Variants in MALRD1 observed in about 807,000 individuals in gnomAD.
The protein encoded by MALRD1 is MAM and LDL receptor class A domain containing 1.
A neutral mutation model predicts 242.1 loss-of-function variants in MALRD1; 247 were observed. That is an observed-to-expected ratio of 1.02 (90% CI 0.92 to 1.13). The LOEUF is 1.13. Among genes scored for constraint, MALRD1 ranks in the 50% most tolerant of loss-of-function variants. MALRD1 has a pLI of 0.00. For missense variants in MALRD1, 2,989 were observed against 2,533.1 expected (o/e 1.18, Z -3.86); for synonymous variants, 995 against 866.6 (o/e 1.15, Z -2.60).
At position 19,692,491 on chromosome 10, in the gene MALRD1, T is replaced by C. The variant is rs773172420; in HGVS notation, c.6251T>C (p.Phe2084Ser). Reference sequence around the variant, plus strand: ...ACTCTCCTGGGTATTGGATTAGCATTCCTGATGACTCACATCACAGTTGCA... The same window carrying C: ...ACTCTCCTGGGTATTGGATTAGCATCCCTGATGACTCACATCACAGTTGCA... ...TWTLLGIGLA[F>S]LMTHITVAVL... The change falls in exon 38 of 40, where the codon TTC (phenylalanine) becomes TCC (serine). Residue 2084 changes from phenylalanine to serine, a missense_variant. Transcript: ENST00000454679. 66 of 1,535,854 alleles carry C rather than the reference T, an allele frequency of 4.3e-5. No homozygotes were observed. Among genetic ancestry groups the C allele is most frequent in the Non-Finnish European group, 5.5e-5 (63 of 1,146,604 alleles).
At chr10:19,590,018 C>A (rs1049404864) in intron 33 of MALRD1, among the ~76,000 whole-genome samples, 1 of 152,106 alleles carries the variant, frequency 6.6e-6, no homozygotes, top group African/African-American at 2.4e-5. Flanking sequence ...CCTTACACCT[C>A]AATGCCATTG....
chr10:19,384,313 AAT>A, intron 26 of MALRD1, among the ~76,000 whole-genome samples: 1 of 131,734 alleles, frequency 7.6e-6, no homozygotes, highest in Non-Finnish European at 1.6e-5. Flanking sequence ...GTATTATATA[AAT>A]ATATATTATA....
intron 14 of MALRD1, among the ~76,000 whole-genome samples, chr10:19,197,958 A>T (rs958760060): frequency 6.6e-6 from 1 of 152,334 alleles, no homozygotes; most frequent in South Asian, 2.1e-4. Flanking sequence ...ATAATGAATG[A>T]ATGAGCACAT....
At chr10:19,493,127 A>G (rs1192873851) in intron 30 of MALRD1, 1 of 152,152 alleles carries the variant, frequency 6.6e-6, no homozygotes, top group Admixed American at 6.5e-5. Flanking sequence ...TCCAAGAAAA[A>G]CAAAACCGTA....
chr10:19,489,738 A>G (rs1837399967), intron 29 of MALRD1, among the ~76,000 whole-genome samples: 1 of 152,186 alleles, frequency 6.6e-6, no homozygotes, highest in African/African-American at 2.4e-5. Flanking sequence ...ATTCAATGGC[A>G]ATATGGAGTC....
At chr10:19,551,739 A>G (rs1327402587) in intron 32 of MALRD1, among the ~76,000 whole-genome samples, 1 of 152,034 alleles carries the variant, frequency 6.6e-6, no homozygotes, top group Admixed American at 6.6e-5. Flanking sequence ...TTTGTCTTGT[A>G]TGGCTCTTAT....
At chr10:19,513,408 A>C (rs1022219310) in intron 31 of MALRD1, among the ~76,000 whole-genome samples, 1 of 151,062 alleles carries the variant, frequency 6.6e-6, no homozygotes, top group African/African-American at 2.4e-5. Flanking sequence ...TTGCAGAACC[A>C]TGAGCCAAAT....
intron 12 of MALRD1, among the ~76,000 whole-genome samples, chr10:19,164,918 A>G (rs1834608240): frequency 6.6e-6 from 1 of 152,114 alleles, no homozygotes; most frequent in African/African-American, 2.4e-5. Context: ...TCAATTATTG[A>G]TGAACAGTAT....
In MALRD1 at chr10:19,715,839, C is replaced by G. The variant is rs142923569; in HGVS notation, c.6315-14867C>G. On this transcript the variant is annotated intron_variant, in intron 38 of 39. Coordinates refer to ENST00000454679, the MANE Select transcript of MALRD1 (RefSeq NM_001142308.3). The stretch of plus-strand genomic sequence containing the variant: ...AGAGAGAGGGAGGAGGTGCCATGCT[C>G]TTGTAAACAACTAGACCTCTCATGG... Among the ~76,000 whole-genome samples, 195 of 152,286 alleles carry G rather than the reference C, an allele frequency of 1.3e-3. 1 individual carries two copies. Among genetic ancestry groups the G allele is most frequent in the Non-Finnish European group, 2.2e-3 (150 of 68,016 alleles).
At chr10:19,428,343 A>C (rs979894447) in intron 28 of MALRD1, among the ~76,000 whole-genome samples, 3 of 152,102 alleles carry the variant, frequency 2.0e-5, no homozygotes, top group Non-Finnish European at 4.4e-5. Context: ...ACTGCTTCAG[A>C]AAAGTCTTCT....
chr10:19,586,305 C>T (rs918282408), intron 33 of MALRD1, among the ~76,000 whole-genome samples: 2 of 152,120 alleles, frequency 1.3e-5, no homozygotes, highest in African/African-American at 4.8e-5. Flanking sequence ...AGGTGCTCTG[C>T]TTTTTAGAGT....
rs201756063 is a variant in MALRD1 at position 19,463,786 on chromosome 10, A to G, written c.5029+13296A>G. On this transcript the variant is annotated intron_variant, in intron 29 of 39. Transcript: ENST00000454679. ...TTCTACTCTTGGTTCTTTAAGGACT[A>G]TTCACACTGTTTTCCATAGTGGTTG... is the stretch of plus-strand genomic sequence containing the variant. 1.4e-4 allele frequency among the ~76,000 whole-genome samples: 21 copies of G among 152,194 alleles called. No individual in the cohort carries two copies. In the East Asian group the frequency reaches 3.1e-3, roughly 22 times the overall value.
chr10:19,454,802 C>G (rs1433583348), intron 29 of MALRD1, among the ~76,000 whole-genome samples: 2 of 151,674 alleles, frequency 1.3e-5, no homozygotes, highest in Admixed American at 1.3e-4. Context: ...TCTACTTTAG[C>G]TGCAAATAGG....
At chr10:19,328,860 C>G (rs1363357586) in intron 23 of MALRD1, among the ~76,000 whole-genome samples, 1 of 152,140 alleles carries the variant, frequency 6.6e-6, no homozygotes, top group African/African-American at 2.4e-5. Flanking sequence ...GGGATCCCAA[C>G]TGTTCAGCCT....
intron 18 of MALRD1, among the ~76,000 whole-genome samples, chr10:19,222,621 A>C (rs943817738): frequency 6.6e-6 from 1 of 152,204 alleles, no homozygotes. Flanking sequence ...TAAGTAGATA[A>C]ACAAAAAAGC....
intron 36 of MALRD1, among the ~76,000 whole-genome samples, chr10:19,676,140 A>G (rs956376030): frequency 8.5e-5 from 13 of 152,188 alleles, no homozygotes; most frequent in Admixed American, 7.2e-4. Flanking sequence ...AGGAATTGAG[A>G]TGAAACTAGC....
At chr10:19,719,215 C>CATATATATATATATGTGTAT (rs1366048990) in intron 38 of MALRD1, among the ~76,000 whole-genome samples, 1 of 84,294 alleles carries the variant, frequency 1.2e-5, no homozygotes, top group East Asian at 3.3e-4. Context: ...TATATATACA[C>CATATATATATATATGTGTAT]ATACATACAT....
intron 35 of MALRD1, among the ~76,000 whole-genome samples, chr10:19,615,157 T>C (rs11814837): frequency 0.04 from 6,084 of 152,098 alleles, 372 homozygotes; most frequent in African/African-American, 0.13. Flanking sequence ...CCTGATCTGG[T>C]CACTATACAC....
chr10:19,124,790 A>G, intron 7 of MALRD1, 120 bp downstream of exon 7: 3 of 836,062 alleles, frequency 3.6e-6, no homozygotes, highest in Non-Finnish European at 4.8e-6. Context: ...TATTGAAAAT[A>G]CATTCTGCCA....
Sources: gnomAD v4.1 joint callset for allele counts (sites outside exome capture counted in the v4.1 genomes callset) on GRCh38, gnomAD v4.1.1 for gene constraint, MANE v1.5 for transcripts, NCBI Gene and HGNC (gene_info 2026-07-23, HGNC 2026-07-21) for gene names.